MED27: variants seen among roughly 807,000 people sequenced by gnomAD.
MED27 encodes mediator complex subunit 27.
MED27 carries 30 observed loss-of-function variants against 38.2 expected under a neutral mutation model. The observed-to-expected ratio is 0.79, with a 90% CI of 0.59 to 1.07. The LOEUF (loss-of-function observed/expected upper bound fraction) is 1.07. Among genes scored for constraint, MED27 ranks in the 50% least tolerant of loss-of-function variants. The pLI is 0.00. For missense variants in MED27, 289 were observed against 397.5 expected (o/e 0.73, Z 2.32); for synonymous variants, 122 against 153.5 (o/e 0.79, Z 1.52).
At chr9:131,985,694 ATTG>A (rs1831834429) in intron 3 of MED27, among the ~76,000 whole-genome samples, 1 of 150,888 alleles carries the variant, frequency 6.6e-6, no homozygotes, top group Non-Finnish European at 1.5e-5. Context: ...TATAATTTTA[ATTG>A]TTTTTTTTTT....
At chr9:131,890,554 T>A (rs890813110) in intron 5 of MED27, among the ~76,000 whole-genome samples, 10 of 152,222 alleles carry the variant, frequency 6.6e-5, no homozygotes, top group Non-Finnish European at 1.3e-4. Flanking sequence ...TTAGTCCCCA[T>A]TTCTCATTTT....
At chr9:131,873,737 G>A (rs1056474175) in intron 6 of MED27, among the ~76,000 whole-genome samples, 1 of 152,218 alleles carries the variant, frequency 6.6e-6, no homozygotes, top group East Asian at 1.9e-4. Context: ...GGCAGACATT[G>A]CTGCTCCATC....
At chr9:131,909,363 G>A (rs1242897908) in intron 4 of MED27, among the ~76,000 whole-genome samples, 2 of 152,198 alleles carry the variant, frequency 1.3e-5, no homozygotes, top group African/African-American at 4.8e-5. Flanking sequence ...GGTAGCCTGA[G>A]TGAATCTCAG....
intron 3 of MED27, among the ~76,000 whole-genome samples, chr9:131,941,415 C>T (rs753285121): frequency 7.2e-5 from 11 of 152,066 alleles, no homozygotes; most frequent in African/African-American, 1.4e-4. Context: ...CGAACACACA[C>T]GCCAGCTCTG....
intron 4 of MED27, among the ~76,000 whole-genome samples, chr9:131,901,758 C>T (rs1829952777): frequency 6.6e-6 from 1 of 152,134 alleles, no homozygotes; most frequent in Non-Finnish European, 1.5e-5. Flanking sequence ...GGGGGTCTTT[C>T]CTCCATATCA....
intron 4 of MED27, among the ~76,000 whole-genome samples, chr9:131,910,944 C>T (rs1167189331): frequency 6.6e-6 from 1 of 152,104 alleles, no homozygotes; most frequent in East Asian, 1.9e-4. Context: ...CCTCATCTGC[C>T]ACTAGTATTA....
rs536822509 is a variant in MED27 at position 131,913,750 on chromosome 9, C to T, written c.574-19758G>A. On this transcript the variant is annotated intron_variant, in intron 4 of 7. Transcript: ENST00000292035. The surrounding 1 kb of genome is among the most constrained non-coding windows in gnomAD (Gnocchi z 4.5). ...CCCAACTCCATCTGAACCAGATACC[C>T]GAGCCTGCCTCCCGCTTTACCCCAT... 1.2e-4 allele frequency among the ~76,000 whole-genome samples: 18 copies of T among 152,248 alleles called. No individual in the cohort carries two copies. The South Asian group carries it at 2.5e-3, about 21-fold the overall frequency.
intron 2 of MED27, among the ~76,000 whole-genome samples, chr9:132,067,871 T>C (rs1234975448): frequency 2.0e-5 from 3 of 152,130 alleles, no homozygotes; most frequent in African/African-American, 7.2e-5. Context: ...GCCACTATGC[T>C]TGGCTAATTT....
At chr9:131,966,455 T>G (rs1307501290) in intron 3 of MED27, among the ~76,000 whole-genome samples, 2 of 142,292 alleles carry the variant, frequency 1.4e-5, no homozygotes, top group Non-Finnish European at 3.0e-5. Flanking sequence ...GTCCCTAAAC[T>G]CAAGATTTCA....
chr9:132,037,825 G>A (rs1377922684), intron 2 of MED27, among the ~76,000 whole-genome samples: 1 of 152,076 alleles, frequency 6.6e-6, no homozygotes, highest in Non-Finnish European at 1.5e-5. Flanking sequence ...CATGAGCTTT[G>A]GCTGACACAC....
At chr9:131,903,266 G>A (rs1829987608) in intron 4 of MED27, among the ~76,000 whole-genome samples, 1 of 152,214 alleles carries the variant, frequency 6.6e-6, no homozygotes, top group Admixed American at 6.5e-5. Flanking sequence ...GAGAGCTTGT[G>A]CAGAGAACAC....
chr9:132,041,580 G>A (rs763543999), intron 2 of MED27, among the ~76,000 whole-genome samples: 4 of 152,198 alleles, frequency 2.6e-5, no homozygotes, highest in Admixed American at 6.5e-5. Flanking sequence ...AGCCTCACAC[G>A]GCGTCAGAAG....
chr9:132,038,188 CTTTTTTTTTTT>C (rs144353393), intron 2 of MED27, among the ~76,000 whole-genome samples: 2 of 125,720 alleles, frequency 1.6e-5, no homozygotes, highest in East Asian at 2.2e-4. Flanking sequence ...AGGCATCCTT[CTTTTTTTTTTT>C]TTTTTTTTTT....
At chr9:131,932,756 A>T (rs1223194833) in intron 4 of MED27, among the ~76,000 whole-genome samples, 1 of 152,208 alleles carries the variant, frequency 6.6e-6, no homozygotes, top group East Asian at 1.9e-4. Flanking sequence ...AATACCTCCA[A>T]ACTCAGTTTA....
intron 3 of MED27, among the ~76,000 whole-genome samples, chr9:132,009,417 T>C (rs1233968260): frequency 6.6e-6 from 1 of 152,194 alleles, no homozygotes; most frequent in Non-Finnish European, 1.5e-5. Context: ...GAACTGACGC[T>C]GTGTGTCTTC....
chr9:131,943,031 A>G (rs4128957), intron 3 of MED27, among the ~76,000 whole-genome samples: 40,340 of 152,052 alleles, frequency 0.27, 5,602 homozygotes, highest in East Asian at 0.38. Context: ...TTTCTTCCCC[A>G]ACCCGTGACC....
chr9:131,875,200 C>G (rs1005042210), intron 6 of MED27, among the ~76,000 whole-genome samples: 21 of 152,204 alleles, frequency 1.4e-4, no homozygotes, highest in African/African-American at 4.3e-4. Flanking sequence ...CAGGATCCTG[C>G]CTACATCAGC....
chr9:132,055,435 T>C, intron 2 of MED27, among the ~76,000 whole-genome samples: 1 of 152,178 alleles, frequency 6.6e-6, no homozygotes, highest in East Asian at 1.9e-4. Flanking sequence ...CTATGAGTAC[T>C]TTATAAACAA....
At position 131,944,848 on chromosome 9, in the gene MED27, T is replaced by G. The variant is rs116864364; in HGVS notation, c.480-5374A>C. 1.7e-4 allele frequency among the ~76,000 whole-genome samples: 26 copies of G among 152,106 alleles called. No homozygotes were observed. In the East Asian group the frequency reaches 4.6e-3, roughly 27 times the overall value. ...CGCCCGGCTGTTTGTTAGTCTTTCT[T>G]GGGTCACAGATCCCTTGGAGAAGGT... On this transcript the variant is annotated intron_variant, in intron 3 of 7. Transcript: ENST00000292035.
Sources: allele counts gnomAD v4.1 joint callset (sites outside exome capture counted in the v4.1 genomes callset), GRCh38; gene constraint gnomAD v4.1.1; non-coding constraint Gnocchi (gnomAD v3.1); transcripts MANE v1.5; gene names NCBI Gene and HGNC (gene_info 2026-07-23, HGNC 2026-07-21).